The following USP47 variants were observed in gnomAD, a reference collection of about 807,000 sequenced individuals.
The protein encoded by USP47 is ubiquitin carboxyl-terminal hydrolase 47.
A neutral mutation model predicts 165.1 loss-of-function variants in USP47; 35 were observed. The ratio of observed to expected loss-of-function variants is 0.21; its 90% CI spans 0.16 to 0.28. The LOEUF (loss-of-function observed/expected upper bound fraction) is 0.28. Ranked by LOEUF, USP47 falls within the 10% of genes least tolerant of loss-of-function variation. The pLI, the probability that USP47 is intolerant of heterozygous loss-of-function variation, is 1.00. For missense variants in USP47, 1,277 were observed against 1,607.4 expected (o/e 0.79, Z 3.52); for synonymous variants, 531 against 544.5 (o/e 0.98, Z 0.35).
rs1421646502 is a variant in USP47, at chr11:11,881,372, C to T, written c.243+992C>T. On this transcript the variant is annotated intron_variant, in intron 2 of 27. Transcript: ENST00000527733. ...AGGAAATAAGCACTGCTGTCTGCTA[C>T]GTAGTCCAAGGAGAAAAAGAGAGGA... 3.9e-5 allele frequency among the ~76,000 whole-genome samples: 6 copies of T among 152,108 alleles called. No homozygotes were observed. The East Asian group carries it at 9.6e-4, about 24-fold the overall frequency.
rs778331665 is a variant in USP47, at chr11:11,959,041, C to A, written c.*2866C>A. 1 of 152,230 alleles carries A rather than the reference C, an allele frequency of 6.6e-6. No individual in the cohort carries two copies. The highest frequency in any genetic ancestry group is 6.5e-5 in the Admixed American group (1 of 15,286). The allele number at this position is 152,230 out of a possible 1,614,324, so 9.4% of individuals were successfully genotyped here. A position where few individuals can be genotyped will look rare whatever the true frequency, so the allele number is the denominator to read the frequency against. ...AGAGCAGGAGAGAGCTACCAACTTACACTGTGGTTTAAGCTAAATGACCGC... is the reference window on the plus strand; with the variant it reads ...AGAGCAGGAGAGAGCTACCAACTTAAACTGTGGTTTAAGCTAAATGACCGC... On this transcript the variant is annotated 3_prime_UTR_variant, in exon 28 of 28. Transcript: ENST00000527733.
chr11:11,931,476 A>G (rs1241403976), intron 14 of USP47, among the ~76,000 whole-genome samples: 1 of 152,176 alleles, frequency 6.6e-6, no homozygotes, highest in East Asian at 1.9e-4. Context: ...AGAAGTAATC[A>G]TTTGTACTGT....
chr11:11,926,489 G>T (rs1216445835), intron 11 of USP47, among the ~76,000 whole-genome samples: 1 of 151,918 alleles, frequency 6.6e-6, no homozygotes, highest in African/African-American at 2.4e-5. Flanking sequence ...AGTCTCTTAT[G>T]ATCCTTTTTA....
At chr11:11,930,826 TA>T in intron 14 of USP47, 75 bp downstream of exon 14, 1 of 1,166,760 alleles carries the variant, frequency 8.6e-7, no homozygotes. Context: ...CAAACCCAGA[TA>T]ACTACTTTTA....
At chr11:11,948,793 A>C (rs1012081331) in intron 22 of USP47, 12 of 363,084 alleles carry the variant, frequency 3.3e-5, no homozygotes, top group African/African-American at 2.5e-4. Context: ...TCAACATTTT[A>C]TTTACAAAAG....
intron 2 of USP47, among the ~76,000 whole-genome samples, chr11:11,882,900 G>T (rs184621946): frequency 6.6e-6 from 1 of 152,260 alleles, no homozygotes; most frequent in Admixed American, 6.6e-5. Flanking sequence ...TTAAATAGCT[G>T]TATGTCAGGA....
At chr11:11,928,686 T>G (rs575530336) in intron 11 of USP47, among the ~76,000 whole-genome samples, 17 of 152,150 alleles carry the variant, frequency 1.1e-4, no homozygotes, top group African/African-American at 3.8e-4. Flanking sequence ...CTCTAGTATC[T>G]CAAACTGTCT....
At chr11:11,908,268 C>CT (rs1286144094) in intron 8 of USP47, among the ~76,000 whole-genome samples, 1 of 151,632 alleles carries the variant, frequency 6.6e-6, no homozygotes, top group Non-Finnish European at 1.5e-5. Flanking sequence ...AAGGGTTTTT[C>CT]TTTTTTTTCT....
intron 4 of USP47, among the ~76,000 whole-genome samples, chr11:11,896,298 A>G (rs1851842810): frequency 6.6e-6 from 1 of 152,228 alleles, no homozygotes; most frequent in Non-Finnish European, 1.5e-5. Flanking sequence ...CAAGTGATAC[A>G]TGATTGATGT....
chr11:11,857,667 C>T, intron 1 of USP47, among the ~76,000 whole-genome samples: 1 of 152,200 alleles, frequency 6.6e-6, no homozygotes, highest in Non-Finnish European at 1.5e-5. Context: ...AAGGAAAACC[C>T]TCACTTTCCA....
chr11:11,953,850 A>G (rs1856378459), intron 25 of USP47, among the ~76,000 whole-genome samples: 1 of 152,248 alleles, frequency 6.6e-6, no homozygotes, highest in Non-Finnish European at 1.5e-5. Context: ...CAGACAATAT[A>G]TACCTTTGAT....
At chr11:11,917,362 T>C (rs1035896183) in intron 8 of USP47, among the ~76,000 whole-genome samples, 1 of 152,112 alleles carries the variant, frequency 6.6e-6, no homozygotes, top group African/African-American at 2.4e-5. Context: ...AGGAGTTCAT[T>C]AGAGGATGAG....
intron 1 of USP47, among the ~76,000 whole-genome samples, chr11:11,854,569 C>T (rs1848918649): frequency 6.8e-6 from 1 of 147,400 alleles, no homozygotes; most frequent in African/African-American, 2.4e-5. Context: ...TTTCTATATC[C>T]TCCCCCAGGG....
Position 11,939,133 on chromosome 11 carries a change from T to C in USP47, c.2193+761T>C, listed in dbSNP as rs139299589. Among the ~76,000 whole-genome samples, 542 of 152,028 alleles carry C rather than the reference T, an allele frequency of 3.6e-3. 2 individuals are homozygous for C. The highest frequency in any genetic ancestry group is 0.011 in the African/African-American group (455 of 41,502). ...ATATAACAATGAAAACATTCAAATT[T>C]TGGGGGGCAAAAGGATTAGTCCACA... On this transcript the variant is annotated intron_variant, in intron 18 of 27. Transcript: ENST00000527733.
At chr11:11,946,312 G>C (rs964044835) in intron 20 of USP47, among the ~76,000 whole-genome samples, 1 of 152,128 alleles carries the variant, frequency 6.6e-6, no homozygotes, top group Non-Finnish European at 1.5e-5. Context: ...ATTCAGGCCA[G>C]GCCATCAAAT....
intron 1 of USP47, among the ~76,000 whole-genome samples, chr11:11,843,535 A>C (rs191643192): frequency 1.4e-4 from 22 of 152,358 alleles, no homozygotes; most frequent in Admixed American, 3.9e-4. Context: ...TTACCACGTA[A>C]GTAATTCTTA....
chr11:11,931,246 A>G (rs1294792091), intron 14 of USP47, among the ~76,000 whole-genome samples: 3 of 152,102 alleles, frequency 2.0e-5, no homozygotes, highest in African/African-American at 4.8e-5. Context: ...TACCGTTGCT[A>G]TTAGTAAATC....
At position 11,886,453 on chromosome 11, in the gene USP47, G is replaced by GT. The variant is rs560663656; in HGVS notation, c.357+1874dup. 6.3e-4 allele frequency among the ~76,000 whole-genome samples: 96 copies of GT among 152,240 alleles called. 1 individual carries two copies. In the Middle Eastern group the frequency reaches 0.014, roughly 22 times the overall value. On this transcript the variant is annotated intron_variant, in intron 3 of 27. Transcript: ENST00000527733. The stretch of plus-strand genomic sequence containing the variant: ...CAAGAACTTTACAGTGCAATGACAA[G>GT]TATCAATAGCAGAATAGACCAAGTA...
chr11:11,902,215 A>C (rs1382824206), intron 5 of USP47, among the ~76,000 whole-genome samples: 3 of 152,154 alleles, frequency 2.0e-5, no homozygotes, highest in Non-Finnish European at 2.9e-5. Context: ...TTGATTAATA[A>C]AATTCTTAAT....
Sources: allele counts gnomAD v4.1 joint callset (sites outside exome capture counted in the v4.1 genomes callset), GRCh38; gene constraint gnomAD v4.1.1; transcripts MANE v1.5; gene names NCBI Gene and HGNC (gene_info 2026-07-23, HGNC 2026-07-21).